The following ANO4 variants were observed in gnomAD, a reference collection of about 807,000 sequenced individuals.
The protein encoded by ANO4 is anoctamin 4, also known as anoctamin-4.
Under a neutral mutation model 141.9 loss-of-function variants are expected in ANO4, and 69 were observed. The observed-to-expected ratio is 0.49, with a 90% confidence interval of 0.40 to 0.59. ANO4 has a LOEUF of 0.59. Ranked by LOEUF, ANO4 falls within the 20% of genes least tolerant of loss-of-function variation. ANO4 has a pLI of 0.00. For synonymous variants in ANO4, 350 were observed against 394.3 expected (o/e 0.89, Z 1.33); for missense variants, 894 against 1,162.2 (o/e 0.77, Z 3.36).
chr12:100,961,756 G>A (rs752904717), intron 5 of ANO4, among the ~76,000 whole-genome samples: 8 of 152,132 alleles, frequency 5.3e-5, no homozygotes, highest in Admixed American at 4.6e-4. Flanking sequence ...ACTTTCCACA[G>A]TCAGCACATC....
chr12:100,876,107 A>G (rs368334526), intron 1 of ANO4, among the ~76,000 whole-genome samples: 9 of 152,240 alleles, frequency 5.9e-5, no homozygotes, highest in African/African-American at 1.7e-4. Flanking sequence ...TAAATTACTT[A>G]GTAAGTGCTC....
chr12:100,992,916 C>A, intron 8 of ANO4, among the ~76,000 whole-genome samples: 1 of 152,138 alleles, frequency 6.6e-6, no homozygotes, highest in Non-Finnish European at 1.5e-5. Context: ...TACCTGCCAG[C>A]CACAGTGTCT....
At chr12:100,802,375 C>A (rs539928399) in intron 1 of ANO4, among the ~76,000 whole-genome samples, 4 of 152,214 alleles carry the variant, frequency 2.6e-5, no homozygotes, top group African/African-American at 9.6e-5. Flanking sequence ...TTTCTGCTTG[C>A]CTTGTCCCTC....
chr12:101,073,128 T>C (rs532204088), intron 14 of ANO4, among the ~76,000 whole-genome samples: 36 of 152,312 alleles, frequency 2.4e-4, no homozygotes, highest in African/African-American at 8.7e-4. Context: ...TAAAGACACA[T>C]GCACACATGT....
At chr12:101,107,394 G>A (rs931178108) in intron 22 of ANO4, among the ~76,000 whole-genome samples, 5 of 152,140 alleles carry the variant, frequency 3.3e-5, no homozygotes, top group South Asian at 4.1e-4. Flanking sequence ...GCAAAACGCC[G>A]TAAAATCAAG....
chr12:100,883,854 A>G (rs1593626803), intron 1 of ANO4, among the ~76,000 whole-genome samples: 1 of 152,224 alleles, frequency 6.6e-6, no homozygotes, highest in African/African-American at 2.4e-5. Flanking sequence ...CTTTTGCTAA[A>G]TAAGTAGGGG....
intron 5 of ANO4, among the ~76,000 whole-genome samples, chr12:100,961,317 TAGC>T (rs1020570389): frequency 1.3e-5 from 2 of 152,200 alleles, no homozygotes; most frequent in African/African-American, 4.8e-5. Flanking sequence ...GTGTATTAAT[TAGC>T]AGTATCAGAT....
intron 5 of ANO4, among the ~76,000 whole-genome samples, chr12:100,956,875 C>G (rs188277355): frequency 4.6e-5 from 7 of 152,288 alleles, no homozygotes; most frequent in Non-Finnish European, 1.5e-5. Flanking sequence ...ACTTAGTTGA[C>G]AGAACACAGT....
chr12:100,996,247 T>A (rs1344658859), intron 8 of ANO4, among the ~76,000 whole-genome samples: 1 of 152,240 alleles, frequency 6.6e-6, no homozygotes, highest in Admixed American at 6.5e-5. Flanking sequence ...AAATTTGCTT[T>A]CACGCCTTTT....
chr12:101,073,969 C>T (rs137904742), intron 14 of ANO4, among the ~76,000 whole-genome samples: 3 of 152,080 alleles, frequency 2.0e-5, no homozygotes, highest in Admixed American at 6.6e-5. Context: ...AAAAAGCATG[C>T]AAAACTCTGT....
At chr12:101,034,582 A>G (rs1006625875) in intron 9 of ANO4, among the ~76,000 whole-genome samples, 6 of 148,946 alleles carry the variant, frequency 4.0e-5, no homozygotes, top group African/African-American at 1.5e-4. Context: ...AAACCTGCAC[A>G]TCTGCACATG....
intron 3 of ANO4, among the ~76,000 whole-genome samples, chr12:100,931,468 G>A (rs2042085458): frequency 6.6e-6 from 1 of 152,278 alleles, no homozygotes; most frequent in South Asian, 2.1e-4. Context: ...GCTAGAAATG[G>A]TATGGATTTG....
chr12:100,814,905 C>A (rs142938026), intron 1 of ANO4, among the ~76,000 whole-genome samples: 1 of 152,014 alleles, frequency 6.6e-6, no homozygotes. Flanking sequence ...TGAGAGCTGC[C>A]GCTAAGAACA....
intron 22 of ANO4, 24 bp downstream of exon 22, chr12:101,099,744 T>A (rs777804320): frequency 6.6e-7 from 1 of 1,505,342 alleles, no homozygotes; most frequent in African/African-American, 1.4e-5. Flanking sequence ...CTACTTTATC[T>A]TATTAATTAT....
intron 14 of ANO4, among the ~76,000 whole-genome samples, chr12:101,065,112 C>T (rs676368): frequency 0.25 from 37,394 of 151,952 alleles, 4,914 homozygotes; most frequent in East Asian, 0.54. Flanking sequence ...GGTGAAAGTT[C>T]TCAACTTAAT....
chr12:100,979,292 A>C (rs12317311), intron 7 of ANO4, among the ~76,000 whole-genome samples: 1 of 151,888 alleles, frequency 6.6e-6, no homozygotes, highest in African/African-American at 2.4e-5. Context: ...GTTCTCAAAC[A>C]TGTGTCAGGA....
At chr12:100,858,481 A>G (rs1766358947) in intron 1 of ANO4, among the ~76,000 whole-genome samples, 1 of 152,176 alleles carries the variant, frequency 6.6e-6, no homozygotes, top group African/African-American at 2.4e-5. Flanking sequence ...CTATATGTAT[A>G]TGGGTGTGGA....
At chr12:100,924,316 A>G (rs2041772543) in intron 3 of ANO4, among the ~76,000 whole-genome samples, 1 of 152,102 alleles carries the variant, frequency 6.6e-6, no homozygotes, top group Non-Finnish European at 1.5e-5. Context: ...ACCTTATGAG[A>G]TAGTTATTAC....
intron 1 of ANO4, among the ~76,000 whole-genome samples, chr12:100,803,381 A>G (rs947532858): frequency 6.6e-6 from 1 of 152,200 alleles, no homozygotes; most frequent in Non-Finnish European, 1.5e-5. Flanking sequence ...ATGTCAGTGA[A>G]TAAACAACAT....
Sources: gnomAD v4.1 joint callset for allele counts (sites outside exome capture counted in the v4.1 genomes callset) on GRCh38, gnomAD v4.1.1 for gene constraint, MANE v1.5 for transcripts, NCBI Gene and HGNC (gene_info 2026-07-23, HGNC 2026-07-21) for gene names.